Variants in HNRNPU observed in about 807,000 individuals in gnomAD.
HNRNPU encodes the protein HNRNPU antisense RNA 1.
In HNRNPU, 5 loss-of-function variants were observed where a neutral mutation model predicts 94.7. That is an observed-to-expected ratio of 0.05 (90% CI 0.03 to 0.11). The LOEUF (loss-of-function observed/expected upper bound fraction) is 0.11. Among genes scored for constraint, HNRNPU ranks in the 10% least tolerant of loss-of-function variants. HNRNPU has a pLI of 1.00. For missense variants in HNRNPU, 710 were observed against 1,049.2 expected, an observed-to-expected ratio of 0.68 and a Z score of 4.47; for synonymous variants, 434 against 381.6, an observed-to-expected ratio of 1.14 and a Z score of -1.60.
At chr1:244,855,815 T>C (rs766802735) in intron 11 of HNRNPU, 89 bp downstream of exon 11, 81 of 1,470,614 alleles carry the variant, frequency 5.5e-5, no homozygotes, top group Middle Eastern at 1.8e-4. Flanking sequence ...ATACCATTAA[T>C]GAGGAAGAAA....
chr1:244,863,529 T>C (rs1395380637), intron 1 of HNRNPU, 88 bp downstream of exon 1: 10 of 929,176 alleles, frequency 1.1e-5, no homozygotes, highest in African/African-American at 2.2e-5. Flanking sequence ...CGGGGCTCCC[T>C]CCCCCTGCGG....
intron 13 of HNRNPU, 139 bp downstream of exon 13, chr1:244,854,834 T>TACTGCAAGACGATTC (rs1459928543): frequency 1.5e-6 from 1 of 667,518 alleles, no homozygotes; most frequent in African/African-American, 1.8e-5. Context: ...TTATGGCTAC[T>TACTGCAAGACGATTC]ACTGCAAGAC....
intron 3 of HNRNPU, chr1:244,860,929 A>C (rs1203350496): frequency 6.0e-6 from 1 of 166,884 alleles, no homozygotes. Context: ...ATCCTGCACC[A>C]GGGCTCTAGC....
rs1381642446 is a variant in HNRNPU at position 244,854,425 on chromosome 1, G to GT, written c.*24dup. Reference sequence around the variant, plus strand: ...TCTTGTGAAGGTTTTGGAGAAATATGTATCAGTTCGTTTTATTTGGGTATT... The same window carrying GT: ...TCTTGTGAAGGTTTTGGAGAAATATGTTATCAGTTCGTTTTATTTGGGTATT... On this transcript the variant is annotated 3_prime_UTR_variant, in exon 14 of 14. Coordinates refer to ENST00000640218, the MANE Select transcript of HNRNPU (RefSeq NM_031844.3). The GT allele has an allele frequency of 6.9e-7, 1 of 1,452,874 alleles. No homozygotes were observed. The highest frequency in any genetic ancestry group is 2.3e-5 in the East Asian group (1 of 43,882). The allele number at this position is 1,452,874 out of a possible 1,614,324, so 90.0% of individuals were successfully genotyped here.
At position 244,858,830 on chromosome 1, in the gene HNRNPU, ATTC is replaced by A. The variant is rs2102987167; in HGVS notation, c.1126_1128del (p.Glu376del). 1.4e-6 allele frequency: 2 copies of A among 1,463,290 alleles called. No individual in the cohort carries two copies. Among genetic ancestry groups the A allele is most frequent in the Non-Finnish European group, 1.9e-6 (2 of 1,045,848 alleles). 90.6% of individuals were successfully genotyped at this position (1,463,290 alleles called of 1,614,324 possible). On this transcript the variant is annotated inframe_deletion, in exon 6 of 14. Transcript: ENST00000640218. ...CCTTTTAGAGAATACCCATAAGAAAATTCTTCTTCACCTAAGAAAATAATTAAT... is the reference window on the plus strand; with the variant it reads ...CCTTTTAGAGAATACCCATAAGAAAATTCTTCACCTAAGAAAATAATTAAT...
intron 1 of HNRNPU, chr1:244,863,010 A>T (rs1482095939): frequency 1.0e-5 from 4 of 398,192 alleles, no homozygotes; most frequent in Non-Finnish European, 1.8e-5. Flanking sequence ...TCCCGAAGAG[A>T]GCGCAGAGAG....
rs1362626839 is a variant in HNRNPU, at chr1:244,855,931, T to C, written c.2140A>G (p.Met714Val). Residue 714 changes from methionine to valine, a missense_variant, in exon 11 of 14, where the codon ATG (methionine) becomes GTG (valine). By Grantham distance (21) the Met-to-Val change is conservative (BLOSUM62 1). This residue lies in a region of HNRNPU where 152 missense variants were observed against 238.9 expected (regional missense o/e 0.64). Coordinates refer to ENST00000640218, the MANE Select transcript of HNRNPU (RefSeq NM_031844.3). Reference sequence around the variant, plus strand: ...CCTCCTCTGAAATTTCCACCACGCATATTGAATCCTCCACGTCCTCTATGG... The same window carrying C: ...CCTCCTCTGAAATTTCCACCACGCACATTGAATCCTCCACGTCCTCTATGG... ...GGHRGRGGFN[M>V]RGGNFRGGAP... The C allele has an allele frequency of 1.9e-6, 3 of 1,613,882 alleles. No individual in the cohort carries two copies. Among genetic ancestry groups the C allele is most frequent in the Non-Finnish European group, 2.5e-6 (3 of 1,179,974 alleles).
In HNRNPU at chr1:244,854,956, C is replaced by T; in HGVS notation, c.2424+17G>A. On this transcript the variant is annotated intron_variant, in intron 13 of 13. Transcript: ENST00000640218. ...AAATACAATTAATGTACATAAAGCA[C>T]ATAAGAAATTACTTACACCCTGCTG... is the stretch of plus-strand genomic sequence containing the variant. 1.3e-6 allele frequency: 2 copies of T among 1,575,834 alleles called. No homozygotes were observed. Among genetic ancestry groups the T allele is most frequent in the Non-Finnish European group, 1.7e-6 (2 of 1,145,114 alleles).
intron 6 of HNRNPU, 68 bp downstream of exon 6, chr1:244,858,661 T>G: frequency 4.9e-6 from 4 of 822,862 alleles, no homozygotes; most frequent in South Asian, 1.5e-5. Context: ...TCAGTAAAGC[T>G]TCTTTAAAGT....
rs1347008323 is a variant in HNRNPU, at chr1:244,851,846, TTA to T, written c.*2602_*2603del. On this transcript the variant is annotated 3_prime_UTR_variant, in exon 14 of 14. Transcript: ENST00000640218. ...ACATCATTTCTATCTCATAGCAGTT[TTA>T]GTTTTCTCATAGCTATCTCATAGCA... The T allele has an allele frequency of 1.3e-5, 2 of 152,314 alleles. No individual in the cohort carries two copies. Among genetic ancestry groups the T allele is most frequent in the African/African-American group, 2.4e-5 (1 of 41,568 alleles). The allele number at this position is 152,314 out of a possible 1,614,324, so 9.4% of individuals were successfully genotyped here.
chr1:244,864,312 A>AG lies in HNRNPU; in HGVS notation c.-6dup. ...ATTAACAGGCGAGGAACTCATGGTG[A>AG]GGGCCCCGATTCACCGCTAGGCGCT... On this transcript the variant is annotated 5_prime_UTR_variant, in exon 1 of 14. Transcript: ENST00000640218. 3.7e-6 allele frequency: 6 copies of AG among 1,612,038 alleles called. No homozygotes were observed. The highest frequency in any genetic ancestry group is 5.1e-6 in the Non-Finnish European group (6 of 1,179,546).
intron 5 of HNRNPU, 144 bp from the exon 6 acceptor site, chr1:244,858,985 G>A: frequency 1.7e-6 from 1 of 598,946 alleles, no homozygotes; most frequent in Non-Finnish European, 2.9e-6. Context: ...TTCTATCTCT[G>A]TACCAGAATT....
Position 244,859,303 on chromosome 1 carries a change from C to A in HNRNPU, c.1089G>T (p.Trp363Cys), listed in dbSNP as rs1135401732. 2 of 1,592,286 alleles carry A rather than the reference C, an allele frequency of 1.3e-6. No homozygotes were observed. The highest frequency in any genetic ancestry group is 1.7e-6 in the Non-Finnish European group (2 of 1,160,422). Residue 363 changes from tryptophan to cysteine, a missense_variant, in exon 5 of 14, where the codon TGG becomes TGT. Coordinates refer to ENST00000640218, the MANE Select transcript of HNRNPU (RefSeq NM_031844.3). The stretch of plus-strand genomic sequence containing the variant: ...GTAACATTCCACTTGTAGTTAGTGA[C>A]CAGCCAATACGAACTTCATGTATGT... ...DIDIHEVRIG[W>C]SLTTSGMLLG...
Position 244,863,649 on chromosome 1 carries a change from C to A in HNRNPU, c.659G>T (p.Gly220Val), listed in dbSNP as rs1463061163. The change falls in exon 1 of 14, where the codon GGA (glycine) becomes GTA (valine). Residue 220 changes from glycine to valine, a missense_variant. Gly to Val is a moderately radical substitution (Grantham distance 109, BLOSUM62 -3). Around this residue, in one of 8 missense-constraint regions of HNRNPU, gnomAD observed 292 missense variants for 293.4 expected, o/e 1.00. Coordinates refer to ENST00000640218, the MANE Select transcript of HNRNPU (RefSeq NM_031844.3). The stretch of plus-strand genomic sequence containing the variant: ...CGGAGCCCCGGGGCGACCGCCGCCT[C>A]CGCCGCCTTCCGCCTTCTTCTTACC... ...AGGKKKAEGGGGGGRPGAPAA... is the reference protein window; with the variant it reads ...AGGKKKAEGGVGGGRPGAPAA... 2 of 1,552,226 alleles carry A rather than the reference C, an allele frequency of 1.3e-6. No individual in the cohort carries two copies. Among genetic ancestry groups the A allele is most frequent in the Admixed American group, 1.9e-5 (1 of 53,036 alleles).
Position 244,857,723 on chromosome 1 carries a change from G to A in HNRNPU, c.1495-6C>T. On this transcript the variant is annotated splice_polypyrimidine_tract_variant and splice_region_variant and intron_variant, in intron 7 of 13. Transcript: ENST00000640218. ...AAGCCAATCATCATCACAACCTAGT[G>A]AAAAGAAAAGAAATGTCATTTCACT... The A allele has an allele frequency of 1.9e-6, 3 of 1,610,344 alleles. No homozygotes were observed. The highest frequency in any genetic ancestry group is 2.7e-5 in the African/African-American group (2 of 74,622).
In HNRNPU at chr1:244,853,458, AAG is replaced by A; in HGVS notation, c.*990_*991del. 6.5e-6 allele frequency: 1 copy of A among 152,710 alleles called. No individual in the cohort carries two copies. The highest frequency in any genetic ancestry group is 2.4e-5 in the African/African-American group (1 of 41,576). 9.5% of individuals were successfully genotyped at this position (152,710 alleles called of 1,614,324 possible). A position where few individuals can be genotyped will look rare whatever the true frequency, so the allele number is the denominator to read the frequency against. ...TCCACCCACTTTCTTTAGAAAGAAAAAGAAATCAGCAGGCTAAGGAGATACCC... is the reference window on the plus strand; with the variant it reads ...TCCACCCACTTTCTTTAGAAAGAAAAAAATCAGCAGGCTAAGGAGATACCC... On this transcript the variant is annotated 3_prime_UTR_variant, in exon 14 of 14. Transcript: ENST00000640218.
At chr1:244,859,501 C>A in intron 4 of HNRNPU, 127 bp from the exon 5 acceptor site, 2 of 529,864 alleles carry the variant, frequency 3.8e-6, no homozygotes, top group Admixed American at 3.3e-5. Flanking sequence ...CACACTCTAG[C>A]CCACCCCCAA....
At chr1:244,857,523 A>G in intron 8 of HNRNPU, 75 bp downstream of exon 8, 1 of 1,437,324 alleles carries the variant, frequency 7.0e-7, no homozygotes, top group Non-Finnish European at 9.6e-7. Flanking sequence ...CTGAGATTAC[A>G]GGCGTGAACC....
chr1:244,863,895 A>G lies in HNRNPU; in HGVS notation c.413T>C (p.Phe138Ser). ...CCCGAGCTCATCTTCCCCTTCCTGG[A>G]AACCCTGATCGTCGCCGTTCTCGTC... is the stretch of plus-strand genomic sequence containing the variant. ...SEDENGDDQG[F>S]QEGEDELGDE... is the part of the protein sequence containing the mutation. Residue 138 changes from phenylalanine to serine, a missense_variant, in exon 1 of 14, where the codon TTC (phenylalanine) becomes TCC (serine). Transcript: ENST00000640218. 6 of 1,613,590 alleles carry G rather than the reference A, an allele frequency of 3.7e-6. No homozygotes were observed. The highest frequency in any genetic ancestry group is 4.2e-6 in the Non-Finnish European group (5 of 1,179,880).
Sources: allele counts gnomAD v4.1 joint callset, GRCh38; gene constraint gnomAD v4.1.1; regional missense constraint gnomAD v4.1.1; transcripts MANE v1.5; gene names NCBI Gene and HGNC (gene_info 2026-07-23, HGNC 2026-07-21).